Variants in MTHFD1 observed in about 807,000 individuals in gnomAD.
MTHFD1 encodes methylenetetrahydrofolate dehydrogenase, cyclohydrolase and formyltetrahydrofolate synthetase 1, also known as C-1-tetrahydrofolate synthase, cytoplasmic.
In MTHFD1, 44 loss-of-function variants were observed where a neutral mutation model predicts 110.3. The ratio of observed to expected loss-of-function variants is 0.40; its 90% CI spans 0.31 to 0.51. The LOEUF (loss-of-function observed/expected upper bound fraction) is 0.51. Among genes scored for constraint, MTHFD1 ranks in the 20% least tolerant of loss-of-function variants. The pLI is 0.60. For synonymous variants in MTHFD1, 402 were observed against 428.8 expected (o/e 0.94, Z 0.77); for missense variants, 909 against 1,173.1 (o/e 0.77, Z 3.29).
intron 25 of MTHFD1, 43 bp from the exon 26 acceptor site, chr14:64,454,680 T>C: frequency 6.4e-7 from 1 of 1,561,940 alleles, no homozygotes; most frequent in Non-Finnish European, 8.8e-7. Flanking sequence ...TGCTGGGTTG[T>C]CATCTTTTCA....
chr14:64,434,629 C>T (rs2078189531), intron 15 of MTHFD1, among the ~76,000 whole-genome samples: 1 of 152,170 alleles, frequency 6.6e-6, no homozygotes, highest in Non-Finnish European at 1.5e-5. Flanking sequence ...GTCCTTCACA[C>T]ATCTCCTGCT....
At chr14:64,434,884 A>G (rs547077330) in intron 15 of MTHFD1, among the ~76,000 whole-genome samples, 5 of 150,102 alleles carry the variant, frequency 3.3e-5, no homozygotes, top group African/African-American at 1.2e-4. Flanking sequence ...CAGTGGCACA[A>G]TCATGGCTCA....
chr14:64,441,261 C>A, intron 18 of MTHFD1, 124 bp from the exon 19 acceptor site: 1 of 862,002 alleles, frequency 1.2e-6, no homozygotes, highest in Non-Finnish European at 2.0e-6. Flanking sequence ...TGGTCCAATT[C>A]AGGTGAAAGT....
chr14:64,449,444 G>T lies in MTHFD1; in HGVS notation c.2280-1G>T. On this transcript the variant is annotated splice_acceptor_variant, in intron 23 of 27. Transcript: ENST00000652337. LOFTEE classifies it high-confidence loss of function. ...TTTGATATGAAATGCTTCCTTTATAGGACGGATACAGAGTCTGAGCTGGAC... is the reference window on the plus strand; with the variant it reads ...TTTGATATGAAATGCTTCCTTTATATGACGGATACAGAGTCTGAGCTGGAC... 1 of 1,613,014 alleles carries T rather than the reference G, an allele frequency of 6.2e-7. No individual in the cohort carries two copies. Among genetic ancestry groups the T allele is most frequent in the African/African-American group, 1.3e-5 (1 of 75,006 alleles).
At chr14:64,410,547 C>T (rs1253609090) in intron 2 of MTHFD1, among the ~76,000 whole-genome samples, 1 of 152,166 alleles carries the variant, frequency 6.6e-6, no homozygotes, top group Non-Finnish European at 1.5e-5. Context: ...TTGGGGCCAG[C>T]AGATTGCCCT....
intron 5 of MTHFD1, 22 bp downstream of exon 5, chr14:64,415,516 A>G: frequency 2.5e-6 from 4 of 1,614,032 alleles, no homozygotes; most frequent in Non-Finnish European, 3.4e-6. Flanking sequence ...TTGGCTTCCT[A>G]TGTCTCATTG....
In MTHFD1 at chr14:64,460,010, G is replaced by A. The variant is rs1449629153; in HGVS notation, c.*256G>A. On this transcript the variant is annotated 3_prime_UTR_variant, in exon 28 of 28. Transcript: ENST00000652337. ...TAAAAGGAAACAAGTTTGCCATCTT[G>A]GTGTTGCAATATGAATTACAGCCTT... 8.7e-6 allele frequency: 11 copies of A among 1,263,988 alleles called. No homozygotes were observed. In the East Asian group the frequency reaches 2.8e-4, roughly 32 times the overall value. The allele number at this position is 1,263,988 out of a possible 1,614,324, so 78.3% of individuals were successfully genotyped here. A position where few individuals can be genotyped will look rare whatever the true frequency, so the allele number is the denominator to read the frequency against.
At chr14:64,401,380 T>C (rs2077895435) in intron 2 of MTHFD1, among the ~76,000 whole-genome samples, 1 of 152,118 alleles carries the variant, frequency 6.6e-6, no homozygotes, top group African/African-American at 2.4e-5. Flanking sequence ...TTTATACAGA[T>C]TTATCCATTA....
intron 19 of MTHFD1, 111 bp from the exon 20 acceptor site, chr14:64,441,943 T>G (rs112381291): frequency 3.0e-5 from 23 of 757,558 alleles, no homozygotes; most frequent in African/African-American, 8.5e-5. Flanking sequence ...ATATTTTCCC[T>G]CTGGGAAGTA....
chr14:64,429,261 A>AACATATATATATATATATATAT (rs11158541), intron 12 of MTHFD1, among the ~76,000 whole-genome samples: 10,127 of 108,052 alleles, frequency 0.094, 1,696 homozygotes, highest in South Asian at 0.18. Context: ...TGTCTAAAAA[A>AACATATATATATATATATATAT]ATATATATCT....
At chr14:64,449,786 G>A in intron 24 of MTHFD1, 164 bp downstream of exon 24, 1 of 815,516 alleles carries the variant, frequency 1.2e-6, no homozygotes, top group Non-Finnish European at 2.0e-6. Context: ...CCCAGCTGTA[G>A]ACAGCCTTCT....
intron 23 of MTHFD1, chr14:64,448,619 G>GTC: frequency 2.5e-6 from 1 of 407,268 alleles, no homozygotes; most frequent in Non-Finnish European, 4.6e-6. Flanking sequence ...GCTAACAGAA[G>GTC]GTCATAGGCC....
At chr14:64,415,565 C>T (rs1039581802) in intron 5 of MTHFD1, 71 bp downstream of exon 5, 4 of 1,613,044 alleles carry the variant, frequency 2.5e-6, no homozygotes, top group African/African-American at 2.7e-5. Context: ...TTGGGGAATA[C>T]AGCATAAATG....
At position 64,441,571 on chromosome 14, in the gene MTHFD1, C is replaced by T. The variant is rs1225186789; in HGVS notation, c.1884+118C>T. On this transcript the variant is annotated intron_variant, in intron 19 of 27. Transcript: ENST00000652337. Reference sequence around the variant, plus strand: ...CCTGTAATCCCAGCACTTTGGGAGGCCAAGGTGGGCAGATCACAAGGTCAG... The same window carrying T: ...CCTGTAATCCCAGCACTTTGGGAGGTCAAGGTGGGCAGATCACAAGGTCAG... The T allele has an allele frequency of 1.5e-5, 13 of 845,976 alleles. No homozygotes were observed. In the East Asian group the frequency reaches 1.6e-4, roughly 10 times the overall value. 52.4% of individuals were successfully genotyped at this position (845,976 alleles called of 1,614,324 possible).
intron 1 of MTHFD1, among the ~76,000 whole-genome samples, chr14:64,393,634 T>A (rs1423262230): frequency 6.6e-6 from 1 of 152,092 alleles, no homozygotes; most frequent in East Asian, 1.9e-4. Context: ...ACTACTATGG[T>A]CATGGCACCT....
chr14:64,409,425 C>A (rs931107237), intron 2 of MTHFD1, among the ~76,000 whole-genome samples: 5 of 152,120 alleles, frequency 3.3e-5, no homozygotes, highest in Non-Finnish European at 5.9e-5. Flanking sequence ...AGTGATAAAA[C>A]AATTTAATCT....
intron 18 of MTHFD1, 89 bp downstream of exon 18, chr14:64,440,355 C>A: frequency 6.9e-7 from 1 of 1,458,440 alleles, no homozygotes; most frequent in Non-Finnish European, 9.6e-7. Context: ...AAATGTAATG[C>A]TGTACTTAAG....
intron 2 of MTHFD1, among the ~76,000 whole-genome samples, chr14:64,405,571 T>C (rs1386731973): frequency 2.0e-5 from 3 of 152,330 alleles, no homozygotes; most frequent in Non-Finnish European, 4.4e-5. Flanking sequence ...GGCCGTCTCC[T>C]TAGGAGCTCT....
chr14:64,388,736 T>G, intron 1 of MTHFD1: 1 of 581,666 alleles, frequency 1.7e-6, no homozygotes. Flanking sequence ...TGCTGGTGAC[T>G]TTCTGCCGGG....
Sources: allele counts gnomAD v4.1 joint callset (sites outside exome capture counted in the v4.1 genomes callset), GRCh38; gene constraint gnomAD v4.1.1; transcripts MANE v1.5; gene names NCBI Gene and HGNC (gene_info 2026-07-23, HGNC 2026-07-21).